The following B3GALT1 variants were observed in gnomAD, a reference collection of about 807,000 sequenced individuals.
B3GALT1 encodes the protein beta-1,3-galactosyltransferase 1.
B3GALT1 carries 10 observed loss-of-function variants against 23.2 expected under a neutral mutation model. That is an observed-to-expected ratio of 0.43 (90% CI 0.27 to 0.73). The LOEUF (loss-of-function observed/expected upper bound fraction) is 0.73. Among genes scored for constraint, B3GALT1 ranks in the 30% least tolerant of loss-of-function variants. The pLI is 0.21. For missense variants in B3GALT1, 299 were observed against 405.4 expected, an observed-to-expected ratio of 0.74 and a Z score of 2.25; for synonymous variants, 156 against 141.5, an observed-to-expected ratio of 1.10 and a Z score of -0.73.
chr2:167,783,196 AT>A (rs946016107), intron 3 of B3GALT1, among the ~76,000 whole-genome samples: 3 of 152,048 alleles, frequency 2.0e-5, no homozygotes, highest in African/African-American at 7.2e-5. Flanking sequence ...ATAAAGAGGT[AT>A]TTAAAAAAAA....
intron 3 of B3GALT1, among the ~76,000 whole-genome samples, chr2:167,750,334 G>A (rs775433307): frequency 7.9e-5 from 12 of 152,136 alleles, no homozygotes; most frequent in Non-Finnish European, 1.6e-4. Flanking sequence ...AGACCGTAAG[G>A]AAAACACTCA....
intron 1 of B3GALT1, among the ~76,000 whole-genome samples, chr2:167,368,411 C>T (rs1230894367): frequency 2.0e-5 from 3 of 152,146 alleles, no homozygotes; most frequent in African/African-American, 7.2e-5. Flanking sequence ...TTTTGGAAGC[C>T]TTAAATCCCA....
chr2:167,778,744 G>A (rs1274131586), intron 3 of B3GALT1, among the ~76,000 whole-genome samples: 3 of 152,144 alleles, frequency 2.0e-5, no homozygotes, highest in Non-Finnish European at 4.4e-5. Flanking sequence ...AAAACAACTT[G>A]TTTATGAGAC....
chr2:167,791,570 C>T (rs1327105556), intron 3 of B3GALT1, among the ~76,000 whole-genome samples: 2 of 152,066 alleles, frequency 1.3e-5, no homozygotes, highest in Non-Finnish European at 2.9e-5. Flanking sequence ...TATTTCCTCA[C>T]TTGACTTTGC....
intron 4 of B3GALT1, among the ~76,000 whole-genome samples, chr2:167,858,306 G>A (rs906287983): frequency 2.7e-5 from 4 of 149,216 alleles, no homozygotes; most frequent in African/African-American, 7.4e-5. Flanking sequence ...TCAACTGGAG[G>A]TGCCAAGTTT....
At chr2:167,795,850 G>C (rs36079569) in intron 3 of B3GALT1, among the ~76,000 whole-genome samples, 12,972 of 152,136 alleles carry the variant, frequency 0.085, 853 homozygotes, top group African/African-American at 0.18. Flanking sequence ...TATTTATAGC[G>C]CCAGATAAAA....
intron 1 of B3GALT1, among the ~76,000 whole-genome samples, chr2:167,470,641 TG>T (rs1288425886): frequency 2.0e-5 from 3 of 152,108 alleles, no homozygotes; most frequent in Non-Finnish European, 4.4e-5. Context: ...GGTTATGATT[TG>T]AGATTGTCCC....
At chr2:167,416,534 A>G (rs1698473691) in intron 1 of B3GALT1, among the ~76,000 whole-genome samples, 1 of 152,246 alleles carries the variant, frequency 6.6e-6, no homozygotes, top group Admixed American at 6.5e-5. Flanking sequence ...AACTAGAGCA[A>G]TGCTGAGTGG....
intron 3 of B3GALT1, among the ~76,000 whole-genome samples, chr2:167,731,489 G>A (rs369107926): frequency 2.0e-5 from 3 of 152,176 alleles, no homozygotes; most frequent in East Asian, 1.9e-4. Flanking sequence ...TATGGAATCA[G>A]GATTAGTCAC....
intron 3 of B3GALT1, among the ~76,000 whole-genome samples, chr2:167,713,001 A>G (rs938780562): frequency 6.6e-5 from 10 of 152,242 alleles, no homozygotes; most frequent in Non-Finnish European, 1.5e-4. Flanking sequence ...GGAATATTAG[A>G]TAACAATGAG....
chr2:167,601,158 C>A (rs1684871023), intron 2 of B3GALT1, among the ~76,000 whole-genome samples: 1 of 152,116 alleles, frequency 6.6e-6, no homozygotes, highest in African/African-American at 2.4e-5. Flanking sequence ...GTCCCTGGTT[C>A]AAGCGATTCT....
chr2:167,756,827 G>T (rs535269998), intron 3 of B3GALT1, among the ~76,000 whole-genome samples: 2 of 152,294 alleles, frequency 1.3e-5, no homozygotes, highest in East Asian at 3.9e-4. Context: ...CGTCCAGAAG[G>T]ACTGGCCCAT....
chr2:167,702,001 A>G (rs1404265889), intron 3 of B3GALT1, among the ~76,000 whole-genome samples: 1 of 152,206 alleles, frequency 6.6e-6, no homozygotes, highest in African/African-American at 2.4e-5. Context: ...TTGAGTTTTA[A>G]AAGAGTTGAG....
intron 3 of B3GALT1, among the ~76,000 whole-genome samples, chr2:167,769,920 G>T (rs572266717): frequency 6.6e-6 from 1 of 152,170 alleles, no homozygotes; most frequent in Non-Finnish European, 1.5e-5. Context: ...GGAGTAAAAT[G>T]TATGGGTCAT....
intron 2 of B3GALT1, among the ~76,000 whole-genome samples, chr2:167,564,568 G>T (rs1684111829): frequency 6.6e-6 from 1 of 152,148 alleles, no homozygotes; most frequent in African/African-American, 2.4e-5. Flanking sequence ...TCCAGCCTGG[G>T]CACCACCGAG....
At chr2:167,599,093 C>T (rs1297861668) in intron 2 of B3GALT1, among the ~76,000 whole-genome samples, 1 of 152,088 alleles carries the variant, frequency 6.6e-6, no homozygotes. Flanking sequence ...CAAGGTGAGC[C>T]AACAGCAAGT....
At chr2:167,537,756 A>G (rs1303779203) in intron 2 of B3GALT1, among the ~76,000 whole-genome samples, 1 of 152,046 alleles carries the variant, frequency 6.6e-6, no homozygotes, top group Non-Finnish European at 1.5e-5. Flanking sequence ...AAAATGATCC[A>G]AAAATCTATG....
chr2:167,295,768 CGT>C (rs57375833), intron 1 of B3GALT1, among the ~76,000 whole-genome samples: 5,661 of 143,002 alleles, frequency 0.04, 163 homozygotes, highest in East Asian at 0.092. Context: ...TGTGTGTGTA[CGT>C]GTGTGTGTGT....
intron 1 of B3GALT1, among the ~76,000 whole-genome samples, chr2:167,400,772 C>T (rs1471436087): frequency 1.3e-5 from 2 of 152,098 alleles, no homozygotes; most frequent in Non-Finnish European, 2.9e-5. Context: ...ACAGGAGGCA[C>T]ATTTTTAATA....
Sources: gnomAD v4.1 joint callset for allele counts (sites outside exome capture counted in the v4.1 genomes callset) on GRCh38, gnomAD v4.1.1 for gene constraint, MANE v1.5 for transcripts, NCBI Gene and HGNC (gene_info 2026-07-23, HGNC 2026-07-21) for gene names.